BTN3A2: variants seen among roughly 807,000 people sequenced by gnomAD.
BTN3A2 encodes the protein butyrophilin protein.
A neutral mutation model predicts 37.6 loss-of-function variants in BTN3A2; 25 were observed. That is an observed-to-expected ratio of 0.66 (90% CI 0.48 to 0.93). The LOEUF is 0.93. Among genes scored for constraint, BTN3A2 ranks in the 40% least tolerant of loss-of-function variants. The probability of loss-of-function intolerance (pLI) is 0.00; values close to 1 mark genes in which losing one functional copy is unlikely to be tolerated. For missense variants in BTN3A2, 266 were observed against 410.9 expected (o/e 0.65, Z 3.05); for synonymous variants, 122 against 159.4 (o/e 0.77, Z 1.77).
chr6:26,368,504 CCTT>C (rs1475967106), intron 3 of BTN3A2, 58 bp from the exon 4 acceptor site: 2 of 1,613,318 alleles, frequency 1.2e-6, no homozygotes, highest in African/African-American at 2.7e-5. Flanking sequence ...TGAGAAGGAC[CCTT>C]CCTCTCATGA....
intron 1 of BTN3A2, among the ~76,000 whole-genome samples, chr6:26,365,874 AG>A (rs755078409): frequency 8.5e-5 from 13 of 152,348 alleles, no homozygotes; most frequent in East Asian, 5.8e-4. Context: ...CATATTCAAC[AG>A]GTGGGGAATA....
chr6:26,374,905 G>C (rs1396285575), intron 10 of BTN3A2, 107 bp downstream of exon 10: 2 of 1,226,572 alleles, frequency 1.6e-6, no homozygotes, highest in Non-Finnish European at 2.3e-6. Context: ...AAGTTCCCTT[G>C]ACTTCCTTCG....
At chr6:26,366,331 T>G (rs893935602) in intron 1 of BTN3A2, among the ~76,000 whole-genome samples, 80 of 152,222 alleles carry the variant, frequency 5.3e-4, no homozygotes, top group African/African-American at 1.8e-3. Context: ...CAACACTAAC[T>G]TTTATAGTTG....
At position 26,376,613 on chromosome 6, in the gene BTN3A2, C is replaced by G; in HGVS notation, c.*851C>G. ...ATCCAGACATGGCAAATGCCATCCT[C>G]CTTGTTTCTGAGGACCAGAGGAGTG... On this transcript the variant is annotated 3_prime_UTR_variant, in exon 11 of 11. Coordinates refer to ENST00000377708, the MANE Select transcript of BTN3A2 (RefSeq NM_007047.5). 2 of 1,453,624 alleles carry G rather than the reference C, an allele frequency of 1.4e-6. No homozygotes were observed. The highest frequency in any genetic ancestry group is 1.9e-6 in the Non-Finnish European group (2 of 1,049,764). The allele number at this position is 1,453,624 out of a possible 1,614,324, so 90.0% of individuals were successfully genotyped here.
intron 1 of BTN3A2, among the ~76,000 whole-genome samples, chr6:26,367,767 G>A (rs1402416763): frequency 1.3e-5 from 2 of 152,198 alleles, no homozygotes; most frequent in Non-Finnish European, 2.9e-5. Flanking sequence ...ATGGCCAAGA[G>A]TTTGACGCTT....
chr6:26,372,657 C>G lies in BTN3A2; in HGVS notation c.716-240C>G, dbSNP rs1581557814. ...TAGAAAAAATGTGTATGACTTTGCT[C>G]AAGTTACTTTCCATGTGAGAGGCAG... On this transcript the variant is annotated intron_variant, in intron 5 of 10. Coordinates refer to ENST00000377708, the MANE Select transcript of BTN3A2 (RefSeq NM_007047.5). The G allele has an allele frequency of 5.9e-6, 3 of 505,314 alleles. No individual in the cohort carries two copies. The South Asian group carries it at 9.2e-5, about 15-fold the overall frequency. 31.3% of individuals were successfully genotyped at this position (505,314 alleles called of 1,614,324 possible).
In BTN3A2 at chr6:26,377,036, T is replaced by C. The variant is rs1581575436; in HGVS notation, c.*1274T>C. 4 of 1,393,538 alleles carry C rather than the reference T, an allele frequency of 2.9e-6. No homozygotes were observed. In the East Asian group the frequency reaches 9.1e-5, roughly 32 times the overall value. 86.3% of individuals were successfully genotyped at this position (1,393,538 alleles called of 1,614,324 possible). A position where few individuals can be genotyped will look rare whatever the true frequency, so the allele number is the denominator to read the frequency against. ...TTCTGCACGCCTCTTCCTCTGAGCC[T>C]CTGTATCCTGTATTCAGAATTTTGA... On this transcript the variant is annotated 3_prime_UTR_variant, in exon 11 of 11. Coordinates refer to ENST00000377708, the MANE Select transcript of BTN3A2 (RefSeq NM_007047.5).
chr6:26,368,388 T>C (rs1759734962), intron 3 of BTN3A2, 121 bp downstream of exon 3: 7 of 1,530,828 alleles, frequency 4.6e-6, no homozygotes, highest in Non-Finnish European at 6.3e-6. Flanking sequence ...TTCCCATACC[T>C]GGAAGTCCAT....
chr6:26,368,371 T>C, intron 3 of BTN3A2, 104 bp downstream of exon 3: 1 of 1,527,400 alleles, frequency 6.5e-7, no homozygotes, highest in Non-Finnish European at 9.0e-7. Context: ...TTAGAACCTT[T>C]AACTCATTCC....
chr6:26,374,539 C>G, intron 9 of BTN3A2, 166 bp downstream of exon 9: 1 of 870,588 alleles, frequency 1.1e-6, no homozygotes, highest in Non-Finnish European at 1.8e-6. Flanking sequence ...TGATCCTGCA[C>G]ACCCCCTTGT....
intron 1 of BTN3A2, 97 bp downstream of exon 1, chr6:26,365,449 T>G: frequency 2.2e-6 from 3 of 1,382,644 alleles, no homozygotes; most frequent in Non-Finnish European, 3.0e-6. Context: ...GGGAGAGTAC[T>G]CTCCCAGAGA....
rs1203534251 is a variant in BTN3A2 at position 26,372,878 on chromosome 6, A to G, written c.716-19A>G. The G allele has an allele frequency of 8.7e-6, 14 of 1,612,458 alleles. No homozygotes were observed. The highest frequency in any genetic ancestry group is 1.2e-5 in the Non-Finnish European group (14 of 1,179,946). ...CTGAGCGCACCAGCGCCCATGACCT[A>G]CAGCTCTCCCCTTCGCAGACCCCTT... On this transcript the variant is annotated intron_variant, in intron 5 of 10. Coordinates refer to ENST00000377708, the MANE Select transcript of BTN3A2 (RefSeq NM_007047.5).
At chr6:26,374,932 T>C in intron 10 of BTN3A2, 134 bp downstream of exon 10, 2 of 902,500 alleles carry the variant, frequency 2.2e-6, no homozygotes, top group Non-Finnish European at 3.4e-6. Context: ...GGAAGACGCA[T>C]AAAGGGTGGA....
intron 9 of BTN3A2, 44 bp from the exon 10 acceptor site, chr6:26,374,727 C>A: frequency 6.6e-7 from 1 of 1,505,778 alleles, no homozygotes; most frequent in South Asian, 1.1e-5. Context: ...GGGAAAAGTA[C>A]AAAAATACTG....
In BTN3A2 at chr6:26,377,381, G is replaced by A. The variant is rs1760775621; in HGVS notation, c.*1619G>A. The A allele has an allele frequency of 3.4e-5, 18 of 535,958 alleles. No individual in the cohort carries two copies. The highest frequency in any genetic ancestry group is 6.1e-5 in the Non-Finnish European group (18 of 295,798). 33.2% of individuals were successfully genotyped at this position (535,958 alleles called of 1,614,324 possible). ...CTTATTGGCCCCTTTATACAGATAA[G>A]GAAACTGGGGTGTAGAAAAGTGTAT... On this transcript the variant is annotated 3_prime_UTR_variant, in exon 11 of 11. Coordinates refer to ENST00000377708, the MANE Select transcript of BTN3A2 (RefSeq NM_007047.5).
chr6:26,365,250 T>C lies in BTN3A2; in HGVS notation c.-169T>C. Reference sequence around the variant, plus strand: ...GACAATATTTGCTTTCTCTTTTTCCTTTCTTCCGGATGAGAGGCTAAGCCA... The same window carrying C: ...GACAATATTTGCTTTCTCTTTTTCCCTTCTTCCGGATGAGAGGCTAAGCCA... On this transcript the variant is annotated 5_prime_UTR_variant, in exon 1 of 11. Transcript: ENST00000377708. 6.8e-7 allele frequency: 1 copy of C among 1,473,444 alleles called. No homozygotes were observed. Among genetic ancestry groups the C allele is most frequent in the Non-Finnish European group, 9.2e-7 (1 of 1,091,798 alleles). The allele number at this position is 1,473,444 out of a possible 1,614,324, so 91.3% of individuals were successfully genotyped here. A position where few individuals can be genotyped will look rare whatever the true frequency, so the allele number is the denominator to read the frequency against.
At position 26,373,453 on chromosome 6, in the gene BTN3A2, ACTCT is replaced by A. The variant is rs547428291; in HGVS notation, c.964+47_964+50del. 1,448 of 1,585,360 alleles carry A rather than the reference ACTCT, an allele frequency of 9.1e-4. 2 individuals carry two copies. Among genetic ancestry groups the A allele is most frequent in the Non-Finnish European group, 1.1e-3 (1,267 of 1,169,598 alleles). The stretch of plus-strand genomic sequence containing the variant: ...CATTTTCTCTGAATTCAAATCTGTT[ACTCT>A]CTCTCTGCTTCATTATTTTCCAGCC... On this transcript the variant is annotated intron_variant, in intron 8 of 10. Coordinates refer to ENST00000377708, the MANE Select transcript of BTN3A2 (RefSeq NM_007047.5).
Sources: gnomAD v4.1 joint callset for allele counts (sites outside exome capture counted in the v4.1 genomes callset) on GRCh38, gnomAD v4.1.1 for gene constraint, MANE v1.5 for transcripts, NCBI Gene and HGNC (gene_info 2026-07-23, HGNC 2026-07-21) for gene names.